Variants in CERS6 observed in about 807,000 individuals in gnomAD.
CERS6 encodes LAG1 homolog, ceramide synthase 6.
CERS6 carries 26 observed loss-of-function variants against 56.8 expected under a neutral mutation model. The observed-to-expected ratio is 0.46, with a 90% CI of 0.34 to 0.63. The LOEUF (loss-of-function observed/expected upper bound fraction) is 0.63. Among genes scored for constraint, CERS6 ranks in the 30% least tolerant of loss-of-function variants. The probability of loss-of-function intolerance (pLI) is 0.01; values close to 1 mark genes in which losing one functional copy is unlikely to be tolerated. For missense variants in CERS6, 415 were observed against 467.5 expected, an observed-to-expected ratio of 0.89 and a Z score of 1.04; for synonymous variants, 164 against 173.3, an observed-to-expected ratio of 0.95 and a Z score of 0.42.
At position 168,505,676 on chromosome 2, in the gene CERS6, T is replaced by G. The variant is rs552455133; in HGVS notation, c.171-41920T>G. ...ATTAGGGCTCAGACTGTTCAATTAT[T>G]AAAGATCAGTTTCTCCCAATTAAAT... On this transcript the variant is annotated intron_variant, in intron 1 of 9. Coordinates refer to ENST00000305747, the MANE Select transcript of CERS6 (RefSeq NM_203463.3). 3.9e-5 allele frequency among the ~76,000 whole-genome samples: 6 copies of G among 152,278 alleles called. No individual in the cohort carries two copies. In the South Asian group the frequency reaches 1.2e-3, roughly 32 times the overall value.
At chr2:168,623,702 C>CAGTTT (rs150822731) in intron 3 of CERS6, among the ~76,000 whole-genome samples, 2,609 of 152,234 alleles carry the variant, frequency 0.017, 96 homozygotes, top group East Asian at 0.15. Flanking sequence ...CTTTAGATGT[C>CAGTTT]AATCTGTAAA....
At chr2:168,695,094 T>C (rs372183796) in intron 6 of CERS6, 43 bp downstream of exon 6, 1 of 1,482,518 alleles carries the variant, frequency 6.7e-7, no homozygotes, top group Non-Finnish European at 9.4e-7. Flanking sequence ...GCATGCATCT[T>C]TAATGGCCCT....
chr2:168,633,605 T>C (rs2105299210), intron 4 of CERS6, among the ~76,000 whole-genome samples: 1 of 152,348 alleles, frequency 6.6e-6, no homozygotes, highest in East Asian at 1.9e-4. Flanking sequence ...TTGACCTAGC[T>C]GAATCATTAT....
At chr2:168,592,564 G>T (rs533537607) in intron 3 of CERS6, among the ~76,000 whole-genome samples, 16 of 152,234 alleles carry the variant, frequency 1.1e-4, no homozygotes, top group Admixed American at 4.6e-4. Context: ...TGTTGGTGTG[G>T]TGCCCTGCAG....
chr2:168,583,718 CT>C (rs1361034963), intron 3 of CERS6, among the ~76,000 whole-genome samples: 3 of 152,274 alleles, frequency 2.0e-5, no homozygotes, highest in South Asian at 4.1e-4. Flanking sequence ...AGTTGAAAGG[CT>C]ACAGGGTCCA....
At chr2:168,713,269 C>T (rs899596465) in intron 6 of CERS6, among the ~76,000 whole-genome samples, 5 of 152,062 alleles carry the variant, frequency 3.3e-5, no homozygotes, top group Non-Finnish European at 7.4e-5. Flanking sequence ...TGTGCTCATA[C>T]GTCAGTTTTC....
chr2:168,458,325 G>A (rs1163589558), intron 1 of CERS6, among the ~76,000 whole-genome samples: 1 of 152,208 alleles, frequency 6.6e-6, no homozygotes, highest in African/African-American at 2.4e-5. Flanking sequence ...TGCACAAACA[G>A]CCGAATTTTC....
chr2:168,657,140 T>G (rs932641852), intron 4 of CERS6, among the ~76,000 whole-genome samples: 1 of 152,230 alleles, frequency 6.6e-6, no homozygotes, highest in African/African-American at 2.4e-5. Context: ...CCTCACCGAT[T>G]GGTGCAGTCA....
intron 4 of CERS6, among the ~76,000 whole-genome samples, chr2:168,687,544 G>C (rs74353145): frequency 1.3e-5 from 2 of 152,146 alleles, no homozygotes; most frequent in Admixed American, 6.5e-5. Flanking sequence ...CTTTAATGGC[G>C]TCTGCTGGCC....
intron 8 of CERS6, among the ~76,000 whole-genome samples, chr2:168,764,292 G>A (rs1415425397): frequency 1.3e-5 from 2 of 152,010 alleles, no homozygotes; most frequent in African/African-American, 2.4e-5. Context: ...ACAGGTGCCC[G>A]CCACCACACC....
At chr2:168,489,572 T>G (rs990347882) in intron 1 of CERS6, among the ~76,000 whole-genome samples, 1 of 151,534 alleles carries the variant, frequency 6.6e-6, no homozygotes. Flanking sequence ...TCTCAACAAA[T>G]TTTTTTTTCT....
At chr2:168,690,309 A>G in intron 4 of CERS6, among the ~76,000 whole-genome samples, 1 of 152,166 alleles carries the variant, frequency 6.6e-6, no homozygotes, top group East Asian at 1.9e-4. Context: ...TTATTTTGAA[A>G]CTATGAGAAA....
chr2:168,626,535 G>A (rs1684595617), intron 3 of CERS6, among the ~76,000 whole-genome samples: 1 of 152,176 alleles, frequency 6.6e-6, no homozygotes, highest in African/African-American at 2.4e-5. Flanking sequence ...AGATTCAGTG[G>A]GTGGTAGTTT....
chr2:168,755,536 C>T (rs920188029), intron 8 of CERS6, among the ~76,000 whole-genome samples: 6 of 152,158 alleles, frequency 3.9e-5, no homozygotes, highest in Non-Finnish European at 7.3e-5. Flanking sequence ...AACCATGCCC[C>T]CACCCCACTG....
intron 8 of CERS6, among the ~76,000 whole-genome samples, chr2:168,759,711 C>T (rs1260609643): frequency 1.3e-5 from 2 of 152,116 alleles, no homozygotes; most frequent in African/African-American, 4.8e-5. Flanking sequence ...AACTATTATA[C>T]AGTTCTTTAT....
chr2:168,675,896 A>G (rs1014771170), intron 4 of CERS6, among the ~76,000 whole-genome samples: 2 of 152,032 alleles, frequency 1.3e-5, no homozygotes, highest in East Asian at 3.9e-4. Flanking sequence ...CATGTTGGCC[A>G]GGATGGTCTC....
intron 6 of CERS6, among the ~76,000 whole-genome samples, chr2:168,704,645 C>T (rs558448764): frequency 6.6e-6 from 1 of 152,234 alleles, no homozygotes; most frequent in Admixed American, 6.5e-5. Flanking sequence ...CTCGCTTTGT[C>T]GCCCAGGCTC....
At chr2:168,643,797 C>G (rs1488135876) in intron 4 of CERS6, among the ~76,000 whole-genome samples, 2 of 152,206 alleles carry the variant, frequency 1.3e-5, no homozygotes, top group African/African-American at 4.8e-5. Flanking sequence ...GTAGTCAAAC[C>G]TCCCTCTGTC....
chr2:168,558,675 C>T (rs955594346), intron 2 of CERS6, among the ~76,000 whole-genome samples: 8 of 152,180 alleles, frequency 5.3e-5, no homozygotes, highest in Admixed American at 2.0e-4. Flanking sequence ...CGAGACCATC[C>T]TGGCTAACAC....
Sources: gnomAD v4.1 joint callset for allele counts (sites outside exome capture counted in the v4.1 genomes callset) on GRCh38, gnomAD v4.1.1 for gene constraint, MANE v1.5 for transcripts, NCBI Gene and HGNC (gene_info 2026-07-23, HGNC 2026-07-21) for gene names.